Variants in LRCH1 observed in about 807,000 individuals in gnomAD.
LRCH1 encodes the protein leucine-rich repeat and calponin homology domain-containing protein 1.
Under a neutral mutation model 94.9 loss-of-function variants are expected in LRCH1, and 23 were observed. The ratio of observed to expected loss-of-function variants is 0.24; its 90% CI spans 0.17 to 0.34. LRCH1 has a LOEUF of 0.34. Ranked by LOEUF, LRCH1 falls within the 10% of genes least tolerant of loss-of-function variation. The probability of loss-of-function intolerance (pLI) is 1.00; values close to 1 mark genes in which losing one functional copy is unlikely to be tolerated. For synonymous variants in LRCH1, 364 were observed against 354.9 expected, an observed-to-expected ratio of 1.03 and a Z score of -0.29; for missense variants, 790 against 945.9, an observed-to-expected ratio of 0.84 and a Z score of 2.16.
At chr13:46,556,326 A>G (rs934719156) in intron 1 of LRCH1, among the ~76,000 whole-genome samples, 2 of 152,246 alleles carry the variant, frequency 1.3e-5, no homozygotes, top group African/African-American at 4.8e-5. Context: ...AAAGAAACAT[A>G]GAATAGATGT....
Position 46,602,966 on chromosome 13 carries a change from ACATACATGCATG to A in LRCH1, c.308-47227_308-47216del, listed in dbSNP as rs983169038. Reference sequence around the variant, plus strand: ...CCGGTCAACAAATACATACATGCATACATACATGCATGCATACATACATACATACATACATAC... The same window carrying A: ...CCGGTCAACAAATACATACATGCATACATACATACATACATACATACATAC... On this transcript the variant is annotated intron_variant, in intron 1 of 19. Transcript: ENST00000389797. 2.4e-4 allele frequency among the ~76,000 whole-genome samples: 12 copies of A among 49,496 alleles called. No homozygotes were observed. The South Asian group carries it at 3.8e-3, about 16-fold the overall frequency. 32.5% of individuals were successfully genotyped at this position (49,496 alleles called of 152,430 possible). A position where few individuals can be genotyped will look rare whatever the true frequency, so the allele number is the denominator to read the frequency against.
At chr13:46,585,552 CAAAAAA>C (rs35651253) in intron 1 of LRCH1, among the ~76,000 whole-genome samples, 20 of 82,116 alleles carry the variant, frequency 2.4e-4, no homozygotes, top group Non-Finnish European at 5.1e-4. Flanking sequence ...GACTGCATCT[CAAAAAA>C]AAAAAAAAAA....
chr13:46,708,438 A>C (rs1871887303), intron 13 of LRCH1, among the ~76,000 whole-genome samples: 1 of 151,956 alleles, frequency 6.6e-6, no homozygotes, highest in Non-Finnish European at 1.5e-5. Flanking sequence ...TGCCTGGCTA[A>C]TTTTTGTACT....
chr13:46,587,807 TG>T (rs2050452033), intron 1 of LRCH1, among the ~76,000 whole-genome samples: 1 of 152,196 alleles, frequency 6.6e-6, no homozygotes, highest in South Asian at 2.1e-4. Context: ...AATCTTAGCA[TG>T]GGTTAGAGGA....
intron 2 of LRCH1, among the ~76,000 whole-genome samples, chr13:46,659,852 C>G (rs1274738593): frequency 6.6e-6 from 1 of 152,038 alleles, no homozygotes; most frequent in Non-Finnish European, 1.5e-5. Flanking sequence ...GACCTCAGTA[C>G]CAGTAGGAGA....
At chr13:46,716,726 T>C (rs1230126236) in intron 16 of LRCH1, among the ~76,000 whole-genome samples, 1 of 152,184 alleles carries the variant, frequency 6.6e-6, no homozygotes, top group Admixed American at 6.5e-5. Flanking sequence ...GGCAGAGTAG[T>C]TATAAAAAGA....
At chr13:46,689,651 A>G (rs1165904819) in intron 7 of LRCH1, among the ~76,000 whole-genome samples, 1 of 152,168 alleles carries the variant, frequency 6.6e-6, no homozygotes, top group African/African-American at 2.4e-5. Flanking sequence ...TCCACAGGAA[A>G]TGCATTTATG....
In LRCH1 at chr13:46,595,867, G is replaced by GTTTTT. The variant is rs5803355; in HGVS notation, c.307+42173_307+42177dup. Reference sequence around the variant, plus strand: ...GGAATCCAAAGCACGGCCTCACATTGTTTTTTTTTTTTTGAATATTTTATG... The same window carrying GTTTTT: ...GGAATCCAAAGCACGGCCTCACATTGTTTTTTTTTTTTTTTTTTGAATATTTTATG... On this transcript the variant is annotated intron_variant, in intron 1 of 19. Coordinates refer to ENST00000389797, the MANE Select transcript of LRCH1 (RefSeq NM_001164211.2). Among the ~76,000 whole-genome samples, 81 of 146,468 alleles carry GTTTTT rather than the reference G, an allele frequency of 5.5e-4. 1 individual carries two copies. The highest frequency in any genetic ancestry group is 2.7e-3 in the Admixed American group (40 of 14,742).
intron 1 of LRCH1, among the ~76,000 whole-genome samples, chr13:46,569,593 G>C (rs1452729180): frequency 6.6e-6 from 1 of 152,004 alleles, no homozygotes; most frequent in Non-Finnish European, 1.5e-5. Context: ...TCCTTGCCCA[G>C]ACCCCTCCTG....
At chr13:46,618,578 A>C (rs1437670675) in intron 1 of LRCH1, among the ~76,000 whole-genome samples, 1 of 152,206 alleles carries the variant, frequency 6.6e-6, no homozygotes, top group Non-Finnish European at 1.5e-5. Flanking sequence ...AACCTTCTTC[A>C]TTTATAGAAT....
intron 2 of LRCH1, among the ~76,000 whole-genome samples, chr13:46,661,681 A>G (rs1422873805): frequency 6.6e-6 from 1 of 152,248 alleles, no homozygotes. Flanking sequence ...AGTAGGAAAA[A>G]AGGATGTACG....
At chr13:46,701,291 C>G in intron 11 of LRCH1, 84 bp downstream of exon 11, 1 of 958,000 alleles carries the variant, frequency 1.0e-6, no homozygotes, top group Non-Finnish European at 1.6e-6. Context: ...TCCTAAAATA[C>G]CTACACAGAC....
Position 46,742,759 on chromosome 13 carries a change from A to G in LRCH1, c.*911A>G, listed in dbSNP as rs1873733383. On this transcript the variant is annotated 3_prime_UTR_variant, in exon 20 of 20. Transcript: ENST00000389797. ...CGGATTCGACTCTATTCATTTTCAA[A>G]TAAAGCCATGAGCCGTGGAACATTC... 1.0e-6 allele frequency: 1 copy of G among 985,478 alleles called. No homozygotes were observed. The highest frequency in any genetic ancestry group is 1.2e-6 in the Non-Finnish European group (1 of 829,938). The allele number at this position is 985,478 out of a possible 1,614,324, so 61.0% of individuals were successfully genotyped here.
At chr13:46,588,549 AAATT>A (rs2050460029) in intron 1 of LRCH1, among the ~76,000 whole-genome samples, 1 of 151,726 alleles carries the variant, frequency 6.6e-6, no homozygotes. Flanking sequence ...TCTACTACCT[AAATT>A]AATTAATTAA....
At chr13:46,617,120 T>G (rs907163422) in intron 1 of LRCH1, among the ~76,000 whole-genome samples, 6 of 152,228 alleles carry the variant, frequency 3.9e-5, no homozygotes, top group African/African-American at 1.4e-4. Flanking sequence ...TGGCTTGGGC[T>G]CAGAGGCCTG....
At position 46,744,194 on chromosome 13, in the gene LRCH1, CTG is replaced by C. The variant is rs1195834515; in HGVS notation, c.*2347_*2348del. The C allele has an allele frequency of 1.0e-6, 1 of 985,306 alleles. No individual in the cohort carries two copies. The highest frequency in any genetic ancestry group is 1.2e-6 in the Non-Finnish European group (1 of 829,944). 61.0% of individuals were successfully genotyped at this position (985,306 alleles called of 1,614,324 possible). ...GCGGATGCCTGCCCTTGCAGCTTGA[CTG>C]GGGATACCTGGCTGACCTCCTTAGA... On this transcript the variant is annotated 3_prime_UTR_variant, in exon 20 of 20. Coordinates refer to ENST00000389797, the MANE Select transcript of LRCH1 (RefSeq NM_001164211.2).
At chr13:46,650,411 C>G (rs1360814349) in intron 2 of LRCH1, 66 bp downstream of exon 2, 1 of 1,386,434 alleles carries the variant, frequency 7.2e-7, no homozygotes, top group Non-Finnish European at 9.7e-7. Context: ...GCTTTCATTT[C>G]TATCCATTTT....
At chr13:46,605,354 A>G (rs981798148) in intron 1 of LRCH1, among the ~76,000 whole-genome samples, 4 of 152,276 alleles carry the variant, frequency 2.6e-5, no homozygotes, top group Admixed American at 1.3e-4. Flanking sequence ...GCTACTTTAT[A>G]TATTTATTTT....
exon 19 of LRCH1, chr13:46,752,887 T>G (rs1874199710): frequency 6.6e-6 from 1 of 152,220 alleles, no homozygotes; most frequent in South Asian, 2.1e-4. Flanking sequence ...GCAGTCCTTC[T>G]ATGGCTAAGA....
Sources: gnomAD v4.1 joint callset for allele counts (sites outside exome capture counted in the v4.1 genomes callset) on GRCh38, gnomAD v4.1.1 for gene constraint, MANE v1.5 for transcripts, NCBI Gene and HGNC (gene_info 2026-07-23, HGNC 2026-07-21) for gene names.